The following IL1RAPL1 variants were observed in gnomAD, a reference collection of about 807,000 sequenced individuals.
IL1RAPL1 encodes interleukin 1 receptor accessory protein like 1.
In IL1RAPL1, 3 loss-of-function variants were observed where a neutral mutation model predicts 48.4. The observed-to-expected ratio is 0.06, with a 90% confidence interval of 0.03 to 0.16. The LOEUF (loss-of-function observed/expected upper bound fraction) is 0.16, where lower values mean the gene tolerates loss of function less well. Ranked by LOEUF, IL1RAPL1 falls within the 10% of genes least tolerant of loss-of-function variation. The pLI is 1.00. For synonymous variants in IL1RAPL1, 185 were observed against 187.7 expected (o/e 0.99, Z 0.12); for missense variants, 349 against 530.6 (o/e 0.66, Z 3.36).
At chrX:29,200,129 G>C (rs373962860) in intron 2 of IL1RAPL1, among the ~76,000 whole-genome samples, 1 of 88,010 alleles carries the variant, frequency 1.1e-5, no homozygotes, top group Non-Finnish European at 2.3e-5. Context: ...ACATAGGCCT[G>C]AAAGCAAATG....
At chrX:29,361,216 C>T (rs1933371468) in intron 3 of IL1RAPL1, among the ~76,000 whole-genome samples, 1 of 111,409 alleles carries the variant, frequency 9.0e-6, no homozygotes, top group South Asian at 3.8e-4. Context: ...TAGCTCTATG[C>T]GATTTTCATC....
chrX:29,788,274 G>C (rs916302294), intron 6 of IL1RAPL1, among the ~76,000 whole-genome samples: 3 of 111,821 alleles, frequency 2.7e-5, no homozygotes, highest in Non-Finnish European at 5.7e-5. Flanking sequence ...GAACAAAAGA[G>C]ACCTAGATTC....
intron 5 of IL1RAPL1, among the ~76,000 whole-genome samples, chrX:29,547,589 A>T (rs762829837): frequency 8.9e-6 from 1 of 111,977 alleles, no homozygotes; most frequent in African/African-American, 3.2e-5. Flanking sequence ...TAGAGAAATG[A>T]CAATTTTGGC....
intron 5 of IL1RAPL1, among the ~76,000 whole-genome samples, chrX:29,642,979 G>A (rs372874612): frequency 4.5e-5 from 5 of 111,869 alleles, no homozygotes; most frequent in East Asian, 5.6e-4. Context: ...TATCAGACTC[G>A]ACAAATATTA....
chrX:29,777,475 T>C lies in IL1RAPL1; in HGVS notation c.778+108971T>C, dbSNP rs1429442435. 2.7e-5 allele frequency among the ~76,000 whole-genome samples: 3 copies of C among 111,846 alleles called. No homozygotes were observed. In the Admixed American group the frequency reaches 2.8e-4, roughly 11 times the overall value. Reference sequence around the variant, plus strand: ...TAATCATATTTAATCATGGATGAGGTTGATTGAAAAAATGTCATTTTTATT... The same window carrying C: ...TAATCATATTTAATCATGGATGAGGCTGATTGAAAAAATGTCATTTTTATT... On this transcript the variant is annotated intron_variant, in intron 6 of 10. Coordinates refer to ENST00000378993, the MANE Select transcript of IL1RAPL1 (RefSeq NM_014271.4).
rs35435025 is a variant in IL1RAPL1 at position 29,228,178 on chromosome X, GCACACACACACACA to G, written c.83-54727_83-54714del. Reference sequence around the variant, plus strand: ...TATAACCATCTCCGGACACACGCGTGCACACACACACACACACACACACACACACACACACACAC... The same window carrying G: ...TATAACCATCTCCGGACACACGCGTGCACACACACACACACACACACACAC... On this transcript the variant is annotated intron_variant, in intron 2 of 10. Coordinates refer to ENST00000378993, the MANE Select transcript of IL1RAPL1 (RefSeq NM_014271.4). 9.2e-3 allele frequency among the ~76,000 whole-genome samples: 772 copies of G among 84,209 alleles called. 9 individuals carry two copies. The highest frequency in any genetic ancestry group is 0.03 in the Admixed American group (225 of 7,468). The allele number at this position is 84,209 out of a possible 115,157, so 73.1% of individuals were successfully genotyped here.
chrX:28,850,397 T>C (rs752680219), intron 2 of IL1RAPL1, among the ~76,000 whole-genome samples: 17 of 109,659 alleles, frequency 1.6e-4, no homozygotes, highest in Admixed American at 2.9e-4. Context: ...TTCTAGTCAG[T>C]GACAGAGTGC....
At chrX:29,300,463 G>GT (rs1023685156) in intron 3 of IL1RAPL1, among the ~76,000 whole-genome samples, 6 of 112,146 alleles carry the variant, frequency 5.4e-5, no homozygotes, top group Admixed American at 3.8e-4. Context: ...CTGTTTGAGA[G>GT]TTTTTTTAGT....
chrX:29,478,679 C>T (rs1413906166), intron 5 of IL1RAPL1, among the ~76,000 whole-genome samples: 1 of 111,452 alleles, frequency 9.0e-6, no homozygotes, highest in Non-Finnish European at 1.9e-5. Context: ...TCTCTCATCA[C>T]ATTTTCCAGC....
chrX:28,719,093 C>T (rs1935537925), intron 1 of IL1RAPL1, among the ~76,000 whole-genome samples: 1 of 110,903 alleles, frequency 9.0e-6, no homozygotes, highest in Admixed American at 9.7e-5. Context: ...AATACTCCTT[C>T]TTAAAAAGGA....
intron 6 of IL1RAPL1, among the ~76,000 whole-genome samples, chrX:29,687,183 G>A (rs1039857171): frequency 1.8e-5 from 2 of 111,822 alleles, no homozygotes; most frequent in South Asian, 7.5e-4. Flanking sequence ...TCAGTAATTT[G>A]AAGAGATATC....
chrX:29,218,835 C>T (rs1223020001), intron 2 of IL1RAPL1, among the ~76,000 whole-genome samples: 1 of 111,927 alleles, frequency 8.9e-6, no homozygotes, highest in Non-Finnish European at 1.9e-5. Context: ...AATTTAGCCA[C>T]GTAAAAATAA....
chrX:29,110,074 A>G (rs5985821), intron 2 of IL1RAPL1, among the ~76,000 whole-genome samples: 26,151 of 110,874 alleles, frequency 0.24, 2,894 homozygotes, highest in African/African-American at 0.43. Context: ...TTTTGTTTAA[A>G]AAAGCCTTTG....
intron 2 of IL1RAPL1, among the ~76,000 whole-genome samples, chrX:29,158,657 G>A (rs750582029): frequency 9.9e-5 from 11 of 111,232 alleles, no homozygotes; most frequent in South Asian, 3.8e-4. Context: ...GATTACAGGC[G>A]TGAGCCACCA....
intron 2 of IL1RAPL1, among the ~76,000 whole-genome samples, chrX:28,801,162 T>C (rs887764785): frequency 9.0e-6 from 1 of 110,580 alleles, no homozygotes; most frequent in African/African-American, 3.3e-5. Context: ...ATTACAGGCG[T>C]GAGCCACCAC....
chrX:29,728,725 C>T (rs1194084492), intron 6 of IL1RAPL1, among the ~76,000 whole-genome samples: 1 of 112,008 alleles, frequency 8.9e-6, no homozygotes, highest in Non-Finnish European at 1.9e-5. Context: ...ATAAACATCC[C>T]GGAAATATAG....
intron 1 of IL1RAPL1, among the ~76,000 whole-genome samples, chrX:28,745,870 A>C (rs759235185): frequency 2.9e-4 from 32 of 112,027 alleles, no homozygotes; most frequent in Non-Finnish European, 6.0e-4. Context: ...GAAAGAAAAA[A>C]CATAGTTGGG....
At chrX:29,378,610 G>GC (rs1226849609) in intron 3 of IL1RAPL1, among the ~76,000 whole-genome samples, 1 of 112,245 alleles carries the variant, frequency 8.9e-6, no homozygotes, top group Non-Finnish European at 1.9e-5. Context: ...CTTAATTCTT[G>GC]CCCATGGTTT....
At chrX:29,420,687 G>A (rs918456560) in intron 5 of IL1RAPL1, among the ~76,000 whole-genome samples, 4 of 112,551 alleles carry the variant, frequency 3.6e-5, no homozygotes, top group East Asian at 2.8e-4. Context: ...TGATTAATAA[G>A]TACTTTTGAA....
Sources: gnomAD v4.1 joint callset for allele counts (sites outside exome capture counted in the v4.1 genomes callset) on GRCh38, gnomAD v4.1.1 for gene constraint, MANE v1.5 for transcripts, NCBI Gene and HGNC (gene_info 2026-07-23, HGNC 2026-07-21) for gene names.